NEMP2: variants seen among roughly 807,000 people sequenced by gnomAD.
The protein encoded by NEMP2 is UPF0571 transmembrane protein.
NEMP2 carries 53 observed loss-of-function variants against 54.2 expected under a neutral mutation model. The ratio of observed to expected loss-of-function variants is 0.98; its 90% CI spans 0.78 to 1.23. The LOEUF is 1.23. Among genes scored for constraint, NEMP2 ranks in the 50% most tolerant of loss-of-function variants. The pLI, the probability that NEMP2 is intolerant of heterozygous loss-of-function variation, is 0.00. For synonymous variants in NEMP2, 197 were observed against 190.3 expected, an observed-to-expected ratio of 1.04 and a Z score of -0.29; for missense variants, 455 against 511.3, an observed-to-expected ratio of 0.89 and a Z score of 1.06.
At chr2:190,569,335 A>G in the NEMP2 span, among the ~76,000 whole-genome samples, 21 of 152,294 alleles carry the variant, frequency 1.4e-4, no homozygotes, top group Middle Eastern at 3.4e-3. Flanking sequence ...GTTGATTTTC[A>G]CTGTAATTAT....
At chr2:190,633,343 C>T in the NEMP2 span, among the ~76,000 whole-genome samples, 4 of 123,086 alleles carry the variant, frequency 3.2e-5, no homozygotes, top group Admixed American at 1.8e-4. Flanking sequence ...GACAGGGTTT[C>T]GCTCTTGTTG....
rs185884725 is a variant in NEMP2, at chr2:190,521,983, T to C, written c.214-2800A>G. Among the ~76,000 whole-genome samples the C allele has an allele frequency of 5.0e-4, 76 of 152,168 alleles. 1 individual carries two copies. The highest frequency in any genetic ancestry group is 1.4e-3 in the Admixed American group (22 of 15,278). Reference sequence around the variant, plus strand: ...TGGCTTTAGGCACCATCTATATAAATATGCATCGCTAATTACTTTGCAAAA... The same window carrying C: ...TGGCTTTAGGCACCATCTATATAAACATGCATCGCTAATTACTTTGCAAAA... On this transcript the variant is annotated intron_variant, in intron 2 of 8. Transcript: ENST00000409150. The surrounding 1 kb of genome is among the most constrained non-coding windows in gnomAD (Gnocchi z 6.2).
chr2:190,540,085 A>G, the NEMP2 span, among the ~76,000 whole-genome samples: 35,035 of 151,952 alleles, frequency 0.23, 5,005 homozygotes, highest in South Asian at 0.33. Flanking sequence ...TTATTTTGAG[A>G]TGTTTTTTCT....
At chr2:190,448,998 G>A in the NEMP2 span, among the ~76,000 whole-genome samples, 1 of 152,158 alleles carries the variant, frequency 6.6e-6, no homozygotes, top group African/African-American at 2.4e-5. Flanking sequence ...ATGTTTTAAA[G>A]AAACATTTAT....
chr2:190,431,713 CTG>C, the NEMP2 span, among the ~76,000 whole-genome samples: 1 of 151,890 alleles, frequency 6.6e-6, no homozygotes, highest in Non-Finnish European at 1.5e-5. The surrounding 1 kb of genome is among the most constrained non-coding windows in gnomAD (Gnocchi z 4.4). Context: ...GAGAGGGAGA[CTG>C]TGGGGAGAGG....
At position 190,505,392 on chromosome 2, in the gene NEMP2, G is replaced by T. The variant is rs967225825; in HGVS notation, c.*3797C>A. ...GTGGTCATGAGGTGCAAATTAAGAGGTATCGAAGGTGCCTCATATAGTGCC... is the reference window on the plus strand; with the variant it reads ...GTGGTCATGAGGTGCAAATTAAGAGTTATCGAAGGTGCCTCATATAGTGCC... On this transcript the variant is annotated 3_prime_UTR_variant, in exon 9 of 9. Transcript: ENST00000409150. This position sits in a 1 kb window ranked among gnomAD's most constrained non-coding sequence, Gnocchi z 5.8. 3 of 152,202 alleles carry T rather than the reference G, an allele frequency of 2.0e-5. No individual in the cohort carries two copies. The allele number at this position is 152,202 out of a possible 1,614,324, so 9.4% of individuals were successfully genotyped here. A position where few individuals can be genotyped will look rare whatever the true frequency, so the allele number is the denominator to read the frequency against.
the NEMP2 span, among the ~76,000 whole-genome samples, chr2:190,457,493 A>T: frequency 6.6e-6 from 1 of 152,190 alleles, no homozygotes; most frequent in African/African-American, 2.4e-5. The surrounding 1 kb of genome is among the most constrained non-coding windows in gnomAD (Gnocchi z 5.1). Flanking sequence ...CAGACCATCT[A>T]GCCAGTGATA....
At chr2:190,543,243 A>T in the NEMP2 span, among the ~76,000 whole-genome samples, 1 of 152,162 alleles carries the variant, frequency 6.6e-6, no homozygotes, top group Non-Finnish European at 1.5e-5. The surrounding 1 kb of genome is among the most constrained non-coding windows in gnomAD (Gnocchi z 4.7). Flanking sequence ...TGCCCAGGGT[A>T]CCTGTGGAAC....
the NEMP2 span, among the ~76,000 whole-genome samples, chr2:190,496,523 T>G: frequency 6.6e-6 from 1 of 152,164 alleles, no homozygotes; most frequent in South Asian, 2.1e-4. The surrounding 1 kb of genome is among the most constrained non-coding windows in gnomAD (Gnocchi z 4.7). Flanking sequence ...AAAAAGATAC[T>G]TGTACATGCA....
the NEMP2 span, among the ~76,000 whole-genome samples, chr2:190,581,946 G>T: frequency 6.6e-6 from 1 of 152,090 alleles, no homozygotes; most frequent in African/African-American, 2.4e-5. Context: ...GCTATAAATC[G>T]GGGATTCCCT....
At chr2:190,577,331 G>T in the NEMP2 span, among the ~76,000 whole-genome samples, 1 of 151,864 alleles carries the variant, frequency 6.6e-6, no homozygotes, top group Admixed American at 6.6e-5. This position sits in a 1 kb window ranked among gnomAD's most constrained non-coding sequence, Gnocchi z 4.8. Flanking sequence ...TTTTTAGATG[G>T]TACATTTTCA....
the NEMP2 span, among the ~76,000 whole-genome samples, chr2:190,446,387 G>A: frequency 2.0e-5 from 3 of 152,160 alleles, no homozygotes; most frequent in East Asian, 1.9e-4. Context: ...TGTTCTGTCC[G>A]ACAGAAAGGC....
the NEMP2 span, among the ~76,000 whole-genome samples, chr2:190,554,245 G>A: frequency 7.2e-5 from 11 of 152,164 alleles, no homozygotes; most frequent in East Asian, 5.8e-4. The surrounding 1 kb of genome is among the most constrained non-coding windows in gnomAD (Gnocchi z 5.7). Flanking sequence ...GGCAGATACC[G>A]AGCTAGCCGC....
At chr2:190,484,911 C>A in the NEMP2 span, among the ~76,000 whole-genome samples, 2 of 151,986 alleles carry the variant, frequency 1.3e-5, no homozygotes, top group Non-Finnish European at 2.9e-5. Flanking sequence ...CTTTTAGTAT[C>A]AGAAATTTTG....
the NEMP2 span, among the ~76,000 whole-genome samples, chr2:190,566,092 T>G: frequency 1.4e-5 from 2 of 142,514 alleles, no homozygotes; most frequent in Non-Finnish European, 3.0e-5. Flanking sequence ...AACTGAAGAG[T>G]CCCCACCAGC....
the NEMP2 span, chr2:190,608,447 A>C: frequency 6.6e-6 from 1 of 152,250 alleles, no homozygotes; most frequent in East Asian, 1.9e-4. This position sits in a 1 kb window ranked among gnomAD's most constrained non-coding sequence, Gnocchi z 4.9. Flanking sequence ...ACAGCACCTC[A>C]AACTGTAAAC....
chr2:190,633,654 C>T, the NEMP2 span, among the ~76,000 whole-genome samples: 1,498 of 152,254 alleles, frequency 9.8e-3, 24 homozygotes, highest in African/African-American at 0.034. Flanking sequence ...TGGTACAATG[C>T]CTTCCTTGCA....
At chr2:190,422,114 C>T in the NEMP2 span, among the ~76,000 whole-genome samples, 455 of 152,228 alleles carry the variant, frequency 3.0e-3, no homozygotes, top group African/African-American at 0.01. Flanking sequence ...TTCTGTGCAA[C>T]TCTTTGTTTT....
At chr2:190,465,474 A>G in the NEMP2 span, among the ~76,000 whole-genome samples, 1 of 152,052 alleles carries the variant, frequency 6.6e-6, no homozygotes, top group African/African-American at 2.4e-5. This position sits in a 1 kb window ranked among gnomAD's most constrained non-coding sequence, Gnocchi z 4.6. Context: ...CCATAAGATT[A>G]CTGATTATAC....
Sources: gnomAD v4.1 joint callset for allele counts (sites outside exome capture counted in the v4.1 genomes callset) on GRCh38, gnomAD v4.1.1 for gene constraint, Gnocchi (gnomAD v3.1) non-coding constraint, MANE v1.5 for transcripts, NCBI Gene and HGNC (gene_info 2026-07-23, HGNC 2026-07-21) for gene names.